FUS: variants seen among roughly 807,000 people sequenced by gnomAD.
FUS encodes RNA-binding protein FUS.
FUS carries 5 observed loss-of-function variants against 82.7 expected under a neutral mutation model. That is an observed-to-expected ratio of 0.06 (90% CI 0.03 to 0.13). The LOEUF (loss-of-function observed/expected upper bound fraction) is 0.13, where lower values mean the gene tolerates loss of function less well. Ranked by LOEUF, FUS falls within the 10% of genes least tolerant of loss-of-function variation. The pLI, the probability that FUS is intolerant of heterozygous loss-of-function variation, is 1.00. For synonymous variants in FUS, 281 were observed against 247.4 expected (o/e 1.14, Z -1.27); for missense variants, 512 against 707.8 (o/e 0.72, Z 3.14).
chr16:31,185,120 C>T lies in FUS; in HGVS notation c.705C>T (p.Ser235=), dbSNP rs567982787. 6 of 1,609,878 alleles carry T rather than the reference C, an allele frequency of 3.7e-6. No individual in the cohort carries two copies. The highest frequency in any genetic ancestry group is 4.5e-5 in the East Asian group (2 of 44,718). Residue 235 remains serine (S), a synonymous_variant, in exon 6 of 15, where the codon AGC becomes AGT. Transcript: ENST00000254108. ...GCGGCGGTGGTGGTTACAACCGCAG[C>T]AGTGGTGGCTATGAACCCAGAGGTC... ...GGGGGGGYNR[S]SGGYEPRGRG...
chr16:31,185,447 C>G (rs1048122102), intron 6 of FUS: 3 of 662,372 alleles, frequency 4.5e-6, no homozygotes, highest in African/African-American at 1.8e-5. Context: ...TACATAGATA[C>G]GTATGGATTG....
chr16:31,186,551 C>T (rs1041477556), intron 6 of FUS: 15 of 552,928 alleles, frequency 2.7e-5, no homozygotes, highest in South Asian at 1.1e-4. Flanking sequence ...TATTTTTTTT[C>T]CAGAGGAAAT....
chr16:31,180,890 C>T (rs1472821937), intron 1 of FUS, among the ~76,000 whole-genome samples: 7 of 151,430 alleles, frequency 4.6e-5, no homozygotes, highest in Admixed American at 4.6e-4. Context: ...GGGGACGGCC[C>T]GAGAGTTTTT....
intron 3 of FUS, 46 bp from the exon 4 acceptor site, chr16:31,183,810 TTC>T: frequency 6.2e-7 from 1 of 1,612,628 alleles, no homozygotes; most frequent in East Asian, 2.2e-5. Context: ...TCCTTACATT[TTC>T]TCTTTCCTGG....
At chr16:31,192,304 G>C (rs1292389931), downstream of FUS, 2 of 527,224 alleles carry the variant, frequency 3.8e-6, no homozygotes, top group Non-Finnish European at 7.4e-6. Context: ...GAGGGGGAAG[G>C]GGTTGCAGCC....
chr16:31,191,999 C>T (rs192705444), downstream of FUS: 323 of 533,218 alleles, frequency 6.1e-4, no homozygotes, highest in Non-Finnish European at 8.7e-4. Context: ...TCAGATTTGA[C>T]CATGGTGGAG....
chr16:31,188,430 T>C (rs1246560996), intron 8 of FUS, 73 bp downstream of exon 8: 4 of 1,522,558 alleles, frequency 2.6e-6, no homozygotes, highest in East Asian at 2.2e-5. Context: ...TCTTTGAAAC[T>C]ATTATAAAAA....
intron 9 of FUS, among the ~76,000 whole-genome samples, 190 bp downstream of exon 9, chr16:31,189,416 AAG>A (rs1188611631): frequency 6.6e-6 from 1 of 152,362 alleles, no homozygotes; most frequent in East Asian, 1.9e-4. Flanking sequence ...TTAACACAAA[AAG>A]TATAACTTAT....
chr16:31,193,829 T>C (rs753512811), downstream of FUS: 1 of 514,004 alleles, frequency 1.9e-6, no homozygotes, highest in East Asian at 4.0e-5. Context: ...CTTTTTTTTT[T>C]TTAAGAAACA....
downstream of FUS, chr16:31,193,507 G>T (rs1366611847): frequency 1.9e-6 from 1 of 529,254 alleles, no homozygotes. Context: ...GTCCCCTGAT[G>T]CCCTCCTGTT....
At chr16:31,188,089 G>A (rs1596904662) in intron 7 of FUS, 2 of 584,406 alleles carry the variant, frequency 3.4e-6, no homozygotes, top group East Asian at 5.7e-5. Context: ...CTGAAGTGTG[G>A]AGTTGTCTCT....
intron 3 of FUS, 29 bp downstream of exon 3, chr16:31,182,693 C>T (rs377094915): frequency 1.6e-5 from 26 of 1,613,750 alleles, no homozygotes; most frequent in South Asian, 2.2e-5. Context: ...GTCACCTCTT[C>T]CTACTCTTTC....
At chr16:31,189,369 A>G in intron 9 of FUS, 143 bp downstream of exon 9, 1 of 809,826 alleles carries the variant, frequency 1.2e-6, no homozygotes, top group South Asian at 1.4e-5. Flanking sequence ...TTGAGGAAAG[A>G]GCCTTAGTTA....
intron 1 of FUS, 61 bp downstream of exon 1, chr16:31,180,288 T>C: frequency 6.4e-7 from 1 of 1,572,278 alleles, no homozygotes; most frequent in Non-Finnish European, 8.6e-7. Flanking sequence ...CAGCTGGGCT[T>C]TTCGTTTTCA....
In FUS at chr16:31,190,620, G is replaced by A. The variant is rs767879884; in HGVS notation, c.1293-122G>A. ...TGTTCCTGACTCTGAGAAGCAAGCC[G>A]TTTTGTCTTTCTGAAGCTTCAGTTT... On this transcript the variant is annotated intron_variant, in intron 12 of 14. Coordinates refer to ENST00000254108, the MANE Select transcript of FUS (RefSeq NM_004960.4). 34 of 1,197,736 alleles carry A rather than the reference G, an allele frequency of 2.8e-5. 1 individual carries two copies. The Middle Eastern group carries it at 2.8e-3, about 98-fold the overall frequency. 74.2% of individuals were successfully genotyped at this position (1,197,736 alleles called of 1,614,324 possible).
intron 4 of FUS, 72 bp downstream of exon 4, chr16:31,184,074 C>T (rs2079222268): frequency 6.2e-7 from 1 of 1,611,788 alleles, no homozygotes; most frequent in African/African-American, 1.3e-5. Flanking sequence ...AAGGGACCAG[C>T]AGTAGGAGCA....
At chr16:31,194,441 C>T (rs1441761192), downstream of FUS, 2 of 507,064 alleles carry the variant, frequency 3.9e-6, no homozygotes, top group East Asian at 4.3e-5. Flanking sequence ...CTACAGGCAC[C>T]TGCCACCATG....
chr16:31,188,161 A>C, intron 7 of FUS, 164 bp from the exon 8 acceptor site: 1 of 714,174 alleles, frequency 1.4e-6, no homozygotes, highest in Non-Finnish European at 2.3e-6. Context: ...TGGGCAGGCG[A>C]CCCAGGAAAG....
chr16:31,183,425 C>G (rs750883075), intron 3 of FUS: 42 of 189,972 alleles, frequency 2.2e-4, no homozygotes, highest in Admixed American at 5.3e-4. Context: ...CAGTTTTAGG[C>G]CAATTCTGAA....
Sources: allele counts gnomAD v4.1 joint callset (sites outside exome capture counted in the v4.1 genomes callset), GRCh38; gene constraint gnomAD v4.1.1; transcripts MANE v1.5; gene names NCBI Gene and HGNC (gene_info 2026-07-23, HGNC 2026-07-21).